The following KCNJ15 variants were observed in gnomAD, a reference collection of about 807,000 sequenced individuals.
The protein encoded by KCNJ15 is ATP-sensitive inward rectifier potassium channel 15.
Under a neutral mutation model 23.0 loss-of-function variants are expected in KCNJ15, and 14 were observed. The ratio of observed to expected loss-of-function variants is 0.61; its 90% confidence interval spans 0.40 to 0.95. KCNJ15 has a LOEUF of 0.95. Among genes scored for constraint, KCNJ15 ranks in the 40% least tolerant of loss-of-function variants. KCNJ15 has a pLI of 0.00. For missense variants in KCNJ15, 388 were observed against 461.8 expected (o/e 0.84, Z 1.46); for synonymous variants, 185 against 183.2 (o/e 1.01, Z -0.08).
chr21:38,253,364 G>A (rs144920483), upstream of KCNJ15, among the ~76,000 whole-genome samples: 192 of 152,280 alleles, frequency 1.3e-3, 1 homozygote, highest in African/African-American at 4.4e-3. Context: ...GGCCTGTGAG[G>A]TCTGGAAATG....
At chr21:38,289,068 A>G (rs1984296277) in intron 1 of KCNJ15, among the ~76,000 whole-genome samples, 1 of 152,044 alleles carries the variant, frequency 6.6e-6, no homozygotes, top group South Asian at 2.1e-4. Context: ...ATGGTGGTGC[A>G]TGCCTATAAT....
upstream of KCNJ15, among the ~76,000 whole-genome samples, chr21:38,256,503 T>C (rs1021544676): frequency 1.3e-5 from 2 of 151,794 alleles, no homozygotes; most frequent in Admixed American, 6.6e-5. Flanking sequence ...ATAGTCTGTA[T>C]GGATTCATTC....
chr21:38,291,397 TTTTTCCAGCA>T (rs1386312659), intron 1 of KCNJ15, among the ~76,000 whole-genome samples: 2 of 152,150 alleles, frequency 1.3e-5, no homozygotes, highest in African/African-American at 4.8e-5. Context: ...CCTGTTTGCT[TTTTTCCAGCA>T]ATTCTCAACT....
chr21:38,253,016 T>C (rs1477192623), upstream of KCNJ15, among the ~76,000 whole-genome samples: 2 of 152,192 alleles, frequency 1.3e-5, no homozygotes, highest in African/African-American at 2.4e-5. Flanking sequence ...CCCATCACCC[T>C]TTCTACTCTC....
chr21:38,237,990 A>T (rs2123546913), intron 1 of KCNJ15: 2 of 193,268 alleles, frequency 1.0e-5, no homozygotes, highest in South Asian at 1.9e-4. Context: ...GATAGAAAGC[A>T]AAACAGCCTA....
chr21:38,300,050 C>T lies in KCNJ15; in HGVS notation c.789C>T (p.Pro263=), dbSNP rs373264618. Residue 263 remains proline, a synonymous_variant, in exon 3 of 3, where the codon CCC becomes CCT. Transcript: ENST00000398938. ...ACCATGTGCTGGATGAGACGAGCCC[C>T]CTGAGAGACCTCACACCCCAAAACC... is the stretch of plus-strand genomic sequence containing the variant. ...TFYHVLDETS[P]LRDLTPQNLK... 2 of 1,613,960 alleles carry T rather than the reference C, an allele frequency of 1.2e-6. No individual in the cohort carries two copies. Among genetic ancestry groups the T allele is most frequent in the African/African-American group, 1.3e-5 (1 of 74,898 alleles).
chr21:38,243,836 C>A (rs886477607), intron 1 of KCNJ15, among the ~76,000 whole-genome samples: 16 of 152,188 alleles, frequency 1.1e-4, no homozygotes, highest in Admixed American at 1.0e-3. Context: ...TTGCAAAAAA[C>A]AAATGACAGG....
intron 2 of KCNJ15, among the ~76,000 whole-genome samples, chr21:38,298,441 A>C (rs1440241618): frequency 6.6e-6 from 1 of 152,256 alleles, no homozygotes; most frequent in African/African-American, 2.4e-5. Context: ...CATTGGTAGC[A>C]CTTTTCCAAG....
chr21:38,275,519 C>CAAAAAAAAAAAAAAAAAAAAAAAAA (rs10709944), intron 1 of KCNJ15, among the ~76,000 whole-genome samples: 1 of 88,120 alleles, frequency 1.1e-5, no homozygotes, highest in Non-Finnish European at 2.1e-5. Flanking sequence ...GAAACTCCGT[C>CAAAAAAAAAAAAAAAAAAAAAAAAA]AAAAAAAAAA....
intron 1 of KCNJ15, among the ~76,000 whole-genome samples, chr21:38,277,257 A>G (rs2053058869): frequency 6.6e-6 from 1 of 152,140 alleles, no homozygotes; most frequent in African/African-American, 2.4e-5. Context: ...GGATTAGGGG[A>G]GCACTTGACT....
chr21:38,288,004 T>C (rs2123697462), intron 1 of KCNJ15, among the ~76,000 whole-genome samples: 1 of 146,632 alleles, frequency 6.8e-6, no homozygotes, highest in South Asian at 2.2e-4. Context: ...ATTTGTCCCA[T>C]TGTTAAATAA....
At chr21:38,286,253 A>C (rs1983892879) in intron 1 of KCNJ15, among the ~76,000 whole-genome samples, 1 of 152,226 alleles carries the variant, frequency 6.6e-6, no homozygotes, top group Non-Finnish European at 1.5e-5. Context: ...AAACAAAAAA[A>C]CAAAAACAAA....
At chr21:38,231,430 T>C (rs1988739803) in intron 1 of KCNJ15, among the ~76,000 whole-genome samples, 1 of 151,944 alleles carries the variant, frequency 6.6e-6, no homozygotes, top group Non-Finnish European at 1.5e-5. Context: ...ATTTTTAAGA[T>C]TTATCTTGTT....
chr21:38,268,056 T>C (rs966381723), intron 1 of KCNJ15, among the ~76,000 whole-genome samples: 1 of 152,210 alleles, frequency 6.6e-6, no homozygotes. Context: ...TCTGAGAAGC[T>C]CTGAGTAACT....
upstream of KCNJ15, among the ~76,000 whole-genome samples, chr21:38,256,379 T>A (rs1219307249): frequency 3.4e-5 from 4 of 118,092 alleles, no homozygotes; most frequent in African/African-American, 1.2e-4. Context: ...TATATATATA[T>A]AATATTTATC....
At chr21:38,294,548 T>G (rs1984949304) in intron 1 of KCNJ15, among the ~76,000 whole-genome samples, 1 of 152,182 alleles carries the variant, frequency 6.6e-6, no homozygotes, top group South Asian at 2.1e-4. Flanking sequence ...GAATGAAGTT[T>G]TCTCGAGATG....
chr21:38,268,785 A>AT (rs1204127860), intron 1 of KCNJ15: 1 of 152,092 alleles, frequency 6.6e-6, no homozygotes. Context: ...CTGAGCTTCA[A>AT]TTTCTTAGTA....
intron 1 of KCNJ15, among the ~76,000 whole-genome samples, chr21:38,241,588 A>G (rs1978995930): frequency 6.6e-6 from 1 of 152,176 alleles, no homozygotes; most frequent in African/African-American, 2.4e-5. Flanking sequence ...ACCTAAATAA[A>G]TCTGGGCAAA....
Position 38,301,174 on chromosome 21 carries a change from T to G in KCNJ15, c.*785T>G. 6.0e-6 allele frequency: 1 copy of G among 167,238 alleles called. No homozygotes were observed. 10.4% of individuals were successfully genotyped at this position (167,238 alleles called of 1,614,324 possible). A position where few individuals can be genotyped will look rare whatever the true frequency, so the allele number is the denominator to read the frequency against. ...CTTATTAGTAATGTGTAGATTCTCA[T>G]GTCCCAGCCAGACTTACAGAATTGG... On this transcript the variant is annotated 3_prime_UTR_variant, in exon 3 of 3. Transcript: ENST00000398938.
Sources: gnomAD v4.1 joint callset for allele counts (sites outside exome capture counted in the v4.1 genomes callset) on GRCh38, gnomAD v4.1.1 for gene constraint, MANE v1.5 for transcripts, NCBI Gene and HGNC (gene_info 2026-07-23, HGNC 2026-07-21) for gene names.